The following TYW1 variants were observed in gnomAD, a reference collection of about 807,000 sequenced individuals.
TYW1 encodes the protein tRNA-yW synthesizing protein 1 homolog.
Under a neutral mutation model 96.2 loss-of-function variants are expected in TYW1, and 46 were observed. That is an observed-to-expected ratio of 0.48 (90% CI 0.38 to 0.61). The LOEUF (loss-of-function observed/expected upper bound fraction) is 0.61. TYW1 is among the 20% of genes least tolerant of loss of function. TYW1 has a pLI of 0.00. For synonymous variants in TYW1, 274 were observed against 323.0 expected (o/e 0.85, Z 1.63); for missense variants, 684 against 909.6 (o/e 0.75, Z 3.19).
chr7:67,028,873 G>T (rs1794547454), intron 7 of TYW1, among the ~76,000 whole-genome samples: 1 of 152,186 alleles, frequency 6.6e-6, no homozygotes, highest in Non-Finnish European at 1.5e-5. Flanking sequence ...TCGAATACTG[G>T]TTGAAAAAAG....
At chr7:67,040,043 G>A (rs1285277588) in intron 7 of TYW1, among the ~76,000 whole-genome samples, 4 of 151,424 alleles carry the variant, frequency 2.6e-5, no homozygotes, top group Non-Finnish European at 5.9e-5. Flanking sequence ...TGCAGCCTCC[G>A]CCTCCTGGGT....
At chr7:67,198,597 A>G (rs549759371) in intron 15 of TYW1, among the ~76,000 whole-genome samples, 123 of 152,132 alleles carry the variant, frequency 8.1e-4, no homozygotes, top group African/African-American at 2.8e-3. Flanking sequence ...ATTTTTATAT[A>G]AAGTAAATAT....
At chr7:67,135,302 GTT>G (rs869257148) in intron 13 of TYW1, among the ~76,000 whole-genome samples, 126 of 111,778 alleles carry the variant, frequency 1.1e-3, no homozygotes, top group East Asian at 3.9e-3. Context: ...TGTTAAAACA[GTT>G]TTTTTTTTTT....
At chr7:67,028,247 A>C (rs186215782) in intron 7 of TYW1, among the ~76,000 whole-genome samples, 1 of 151,572 alleles carries the variant, frequency 6.6e-6, no homozygotes, top group Admixed American at 6.6e-5. Flanking sequence ...TCAAAAAAAA[A>C]AAAAAAAAAG....
intron 15 of TYW1, among the ~76,000 whole-genome samples, chr7:67,214,275 G>T (rs7796196): frequency 0.27 from 40,755 of 151,858 alleles, 5,828 homozygotes; most frequent in African/African-American, 0.36. Flanking sequence ...ATGATTGTTT[G>T]GAATTTCAAA....
At chr7:67,150,372 C>T (rs1018209935) in intron 13 of TYW1, among the ~76,000 whole-genome samples, 6 of 152,070 alleles carry the variant, frequency 3.9e-5, no homozygotes, top group African/African-American at 1.4e-4. Context: ...AAACCCAAAA[C>T]AAAAAAACTA....
At chr7:67,030,514 C>G (rs533166989) in intron 7 of TYW1, among the ~76,000 whole-genome samples, 1 of 152,176 alleles carries the variant, frequency 6.6e-6, no homozygotes, top group African/African-American at 2.4e-5. Flanking sequence ...TGCCTGTAAT[C>G]CCAGCTACTC....
intron 13 of TYW1, among the ~76,000 whole-genome samples, chr7:67,127,282 C>A (rs1797939081): frequency 6.6e-6 from 1 of 151,922 alleles, no homozygotes; most frequent in African/African-American, 2.4e-5. Flanking sequence ...CCTCAGCCTC[C>A]CAAGTAGCAG....
At chr7:67,220,733 T>C (rs1283779111) in intron 15 of TYW1, among the ~76,000 whole-genome samples, 1 of 120,370 alleles carries the variant, frequency 8.3e-6, no homozygotes, top group Non-Finnish European at 1.7e-5. Context: ...ATTTTCTTTC[T>C]TTCTTTTTCT....
At chr7:67,211,610 A>C (rs1477535781) in intron 15 of TYW1, among the ~76,000 whole-genome samples, 1 of 152,152 alleles carries the variant, frequency 6.6e-6, no homozygotes, top group Non-Finnish European at 1.5e-5. Flanking sequence ...ACCTATATTC[A>C]AGTGAACACA....
chr7:67,114,696 A>T lies in TYW1; in HGVS notation c.1563-2787A>T, dbSNP rs1797536142. Among the ~76,000 whole-genome samples the T allele has an allele frequency of 2.6e-5, 4 of 152,302 alleles. No homozygotes were observed. The South Asian group carries it at 8.3e-4, about 32-fold the overall frequency. On this transcript the variant is annotated intron_variant, in intron 12 of 15. Coordinates refer to ENST00000359626, the MANE Select transcript of TYW1 (RefSeq NM_018264.4). The stretch of plus-strand genomic sequence containing the variant: ...CTTTTGCTTTTTGGGAACATTTGTT[A>T]TCTCTGTATAGAATAGAGACAGATA...
intron 15 of TYW1, among the ~76,000 whole-genome samples, chr7:67,205,561 G>A (rs1248870152): frequency 6.6e-6 from 1 of 151,692 alleles, no homozygotes; most frequent in Non-Finnish European, 1.5e-5. Context: ...GAGGAGGAGG[G>A]CAGGATTCCC....
At chr7:67,138,247 T>A (rs1431888394) in intron 13 of TYW1, among the ~76,000 whole-genome samples, 2 of 152,144 alleles carry the variant, frequency 1.3e-5, no homozygotes, top group African/African-American at 2.4e-5. Flanking sequence ...GTGTTTATTC[T>A]CTAGACCAGA....
chr7:67,208,921 G>A (rs3855595), intron 15 of TYW1, among the ~76,000 whole-genome samples: 40,592 of 151,696 alleles, frequency 0.27, 5,797 homozygotes, highest in African/African-American at 0.36. Flanking sequence ...TGCCACATGC[G>A]AATCATTTCT....
At position 67,209,473 on chromosome 7, in the gene TYW1, G is replaced by A. The variant is rs1024617898; in HGVS notation, c.1977+14136G>A. ...CATATTGGCAACATCCTAGTACAGC[G>A]GGTCACAGGCCAGTGGAAGCTGAGT... On this transcript the variant is annotated intron_variant, in intron 15 of 15. Transcript: ENST00000359626. Among the ~76,000 whole-genome samples the A allele has an allele frequency of 9.9e-5, 15 of 152,272 alleles. No individual in the cohort carries two copies. In the East Asian group the frequency reaches 1.5e-3, roughly 16 times the overall value.
intron 14 of TYW1, among the ~76,000 whole-genome samples, chr7:67,193,414 C>G (rs535595337): frequency 1.6e-4 from 24 of 152,130 alleles, no homozygotes; most frequent in Non-Finnish European, 2.8e-4. Context: ...TCATCCAAGT[C>G]CCAGCTCTGT....
At chr7:67,003,779 A>G (rs1311945888) in intron 3 of TYW1, among the ~76,000 whole-genome samples, 1 of 152,200 alleles carries the variant, frequency 6.6e-6, no homozygotes, top group African/African-American at 2.4e-5. Context: ...GTGGTGGCTC[A>G]TGCCTGTAAT....
intron 7 of TYW1, among the ~76,000 whole-genome samples, chr7:67,030,503 G>A (rs1794636582): frequency 2.0e-5 from 3 of 152,186 alleles, no homozygotes; most frequent in South Asian, 2.1e-4. Context: ...GTAGTGGTAC[G>A]TGCCTGTAAT....
At chr7:67,204,767 C>T (rs978696278) in intron 15 of TYW1, among the ~76,000 whole-genome samples, 28 of 151,772 alleles carry the variant, frequency 1.8e-4, no homozygotes, top group Non-Finnish European at 2.1e-4. Flanking sequence ...CTAATTTTCT[C>T]ATTTTTATTA....
Sources: gnomAD v4.1 joint callset for allele counts (sites outside exome capture counted in the v4.1 genomes callset) on GRCh38, gnomAD v4.1.1 for gene constraint, MANE v1.5 for transcripts, NCBI Gene and HGNC (gene_info 2026-07-23, HGNC 2026-07-21) for gene names.